TM9SF2: variants seen among roughly 807,000 people sequenced by gnomAD.
The protein encoded by TM9SF2 is transmembrane 9 superfamily member 2, also known as 76 kDa membrane protein.
A neutral mutation model predicts 84.9 loss-of-function variants in TM9SF2; 13 were observed. The observed-to-expected ratio is 0.15, with a 90% confidence interval of 0.10 to 0.24. TM9SF2 has a LOEUF of 0.24. TM9SF2 is among the 10% of genes least tolerant of loss of function. The pLI, the probability that TM9SF2 is intolerant of heterozygous loss-of-function variation, is 1.00. For synonymous variants in TM9SF2, 273 were observed against 285.8 expected, an observed-to-expected ratio of 0.96 and a Z score of 0.45; for missense variants, 562 against 818.5, an observed-to-expected ratio of 0.69 and a Z score of 3.82.
intron 3 of TM9SF2, among the ~76,000 whole-genome samples, chr13:99,525,867 G>A (rs112967443): frequency 1.3e-4 from 20 of 152,246 alleles, no homozygotes; most frequent in African/African-American, 4.8e-4. Context: ...GAGGACTTGT[G>A]ATAGATCTTT....
At chr13:99,501,801 C>A in intron 1 of TM9SF2, 24 bp downstream of exon 1, 1 of 1,594,734 alleles carries the variant, frequency 6.3e-7, no homozygotes, top group Non-Finnish European at 8.5e-7. Context: ...GACGAGCCCT[C>A]TGATGCACTG....
intron 1 of TM9SF2, among the ~76,000 whole-genome samples, chr13:99,508,735 A>C (rs1189166698): frequency 6.6e-6 from 1 of 152,090 alleles, no homozygotes; most frequent in East Asian, 1.9e-4. Flanking sequence ...TTTTCTGTTG[A>C]GCGAGATGCC....
intron 10 of TM9SF2, among the ~76,000 whole-genome samples, chr13:99,546,463 C>A (rs6491511): frequency 0.88 from 134,495 of 152,180 alleles, 59,544 homozygotes; most frequent in Admixed American, 0.93. Flanking sequence ...AAGGTCCTTC[C>A]GTAATTTGTG....
intron 3 of TM9SF2, among the ~76,000 whole-genome samples, chr13:99,528,249 G>A (rs2046192582): frequency 6.6e-6 from 1 of 152,230 alleles, no homozygotes; most frequent in South Asian, 2.1e-4. Context: ...GTGCTGAAGA[G>A]CATGTTCTCC....
chr13:99,543,610 TA>T (rs774243854), intron 9 of TM9SF2, among the ~76,000 whole-genome samples: 5 of 152,238 alleles, frequency 3.3e-5, no homozygotes, highest in African/African-American at 4.8e-5. Context: ...ATTGTCTTTG[TA>T]AAGTTTCTCA....
At chr13:99,555,957 A>AT (rs567973382) in intron 15 of TM9SF2, among the ~76,000 whole-genome samples, 11 of 152,134 alleles carry the variant, frequency 7.2e-5, no homozygotes, top group Non-Finnish European at 1.3e-4. Context: ...TATTTATATC[A>AT]TGCCTGAGAT....
At chr13:99,505,152 C>CTTTT (rs35156746) in intron 1 of TM9SF2, among the ~76,000 whole-genome samples, 1 of 135,028 alleles carries the variant, frequency 7.4e-6, no homozygotes, top group Admixed American at 7.6e-5. Flanking sequence ...GTCCCTAAGA[C>CTTTT]TTTTTTTTTT....
chr13:99,513,730 GT>G (rs2046122942), intron 1 of TM9SF2, among the ~76,000 whole-genome samples: 1 of 152,174 alleles, frequency 6.6e-6, no homozygotes, highest in Non-Finnish European at 1.5e-5. Context: ...TTTTTAAGTG[GT>G]TGGAGAAAAC....
At chr13:99,536,028 A>G (rs987234797) in intron 4 of TM9SF2, among the ~76,000 whole-genome samples, 1 of 152,020 alleles carries the variant, frequency 6.6e-6, no homozygotes, top group Admixed American at 6.6e-5. Context: ...CTTTAGTTTA[A>G]TGTTTTCCTA....
intron 1 of TM9SF2, among the ~76,000 whole-genome samples, chr13:99,503,951 G>C (rs1392296359): frequency 6.6e-6 from 1 of 152,052 alleles, no homozygotes; most frequent in Non-Finnish European, 1.5e-5. Flanking sequence ...CGAAATGTTT[G>C]GATTTTTATC....
At chr13:99,560,304 A>T (rs905431439) in intron 16 of TM9SF2, among the ~76,000 whole-genome samples, 7 of 152,218 alleles carry the variant, frequency 4.6e-5, no homozygotes, top group Non-Finnish European at 8.8e-5. Flanking sequence ...TCTACTTTTC[A>T]CTCATCTGTT....
chr13:99,530,981 C>T (rs567248413), intron 4 of TM9SF2, among the ~76,000 whole-genome samples: 19 of 151,918 alleles, frequency 1.3e-4, no homozygotes, highest in South Asian at 6.2e-4. Context: ...GCATTTTAGC[C>T]GCCTGAGTAG....
chr13:99,524,903 G>A lies in TM9SF2; in HGVS notation c.334-4564G>A, dbSNP rs933229777. 2.6e-5 allele frequency among the ~76,000 whole-genome samples: 4 copies of A among 151,750 alleles called. No homozygotes were observed. In the South Asian group the frequency reaches 8.3e-4, roughly 32 times the overall value. ...AGGTCGGGAGGATGGGGAGAGTCTA[G>A]CAAAGGACACTGAGAAGGAGCCACT... On this transcript the variant is annotated intron_variant, in intron 3 of 16. Coordinates refer to ENST00000376387, the MANE Select transcript of TM9SF2 (RefSeq NM_004800.3).
In TM9SF2 at chr13:99,549,162, T is replaced by C. The variant is rs778173312; in HGVS notation, c.1271-3T>C. On this transcript the variant is annotated splice_polypyrimidine_tract_variant and splice_region_variant and intron_variant, in intron 11 of 16. Transcript: ENST00000376387. ...TTTATACAACTTTTGTTTTCTTCTA[T>C]AGCCTTTGGAGGTGAGAAGTGGAAA... The C allele has an allele frequency of 6.2e-7, 1 of 1,612,424 alleles. No individual in the cohort carries two copies.
At position 99,501,665 on chromosome 13, in the gene TM9SF2, C is replaced by G; in HGVS notation, c.59C>G (p.Ser20Trp). 8.1e-6 allele frequency: 13 copies of G among 1,613,308 alleles called. No individual in the cohort carries two copies. The highest frequency in any genetic ancestry group is 1.1e-5 in the Non-Finnish European group (13 of 1,179,754). The change falls in exon 1 of 17, where the codon TCG (serine) becomes TGG (tryptophan). Residue 20 changes from serine to tryptophan, a missense_variant. Around this residue, in one of 4 missense-constraint regions of TM9SF2, gnomAD observed 267 missense variants for 316.7 expected, o/e 0.84. Transcript: ENST00000376387. ...PPRWPRLLLLSLLLLGAVPGP... is the reference protein window; with the variant it reads ...PPRWPRLLLLWLLLLGAVPGP... ...CGGTGGCCGCGGCTGTTGCTGCTGT[C>G]GCTGCTCCTGCTGGGGGCGGTTCCT...
At chr13:99,524,411 G>A (rs540027093) in intron 3 of TM9SF2, among the ~76,000 whole-genome samples, 2 of 152,226 alleles carry the variant, frequency 1.3e-5, no homozygotes, top group Admixed American at 6.5e-5. Flanking sequence ...CTAAGATGGG[G>A]CAGTCTGTGG....
At chr13:99,528,272 A>G (rs989097233) in intron 3 of TM9SF2, among the ~76,000 whole-genome samples, 8 of 152,210 alleles carry the variant, frequency 5.3e-5, no homozygotes, top group African/African-American at 1.9e-4. Context: ...AGCTCAACTC[A>G]CTTGGCTCAG....
At position 99,508,443 on chromosome 13, in the gene TM9SF2, A is replaced by ACACACACACACC. The variant is rs1311954976; in HGVS notation, c.171+6667_171+6668insACACACACACCC. ...CACACACACACACACACACACACAC[A>ACACACACACACC]CCCCAGAGATTCAGTAGCTACTCCA... On this transcript the variant is annotated intron_variant, in intron 1 of 16. Coordinates refer to ENST00000376387, the MANE Select transcript of TM9SF2 (RefSeq NM_004800.3). Among the ~76,000 whole-genome samples, 131 of 147,546 alleles carry ACACACACACACC rather than the reference A, an allele frequency of 8.9e-4. 2 individuals carry two copies. In the East Asian group the frequency reaches 0.013, roughly 15 times the overall value.
intron 4 of TM9SF2, 96 bp downstream of exon 4, chr13:99,529,690 G>A (rs2046199771): frequency 2.4e-6 from 3 of 1,272,928 alleles, no homozygotes; most frequent in South Asian, 2.2e-5. Context: ...GTAAAATATA[G>A]CAAATTAATT....
Sources: gnomAD v4.1 joint callset for allele counts (sites outside exome capture counted in the v4.1 genomes callset) on GRCh38, gnomAD v4.1.1 for gene constraint, gnomAD v4.1.1 regional missense constraint, MANE v1.5 for transcripts, NCBI Gene and HGNC (gene_info 2026-07-23, HGNC 2026-07-21) for gene names.